The following ANO6 variants were observed in gnomAD, a reference collection of about 807,000 sequenced individuals.
ANO6 encodes anoctamin-6.
ANO6 carries 106 observed loss-of-function variants against 117.5 expected under a neutral mutation model. The observed-to-expected ratio is 0.90, with a 90% CI of 0.77 to 1.06. The LOEUF (loss-of-function observed/expected upper bound fraction) is 1.06, where lower values mean the gene tolerates loss of function less well. Among genes scored for constraint, ANO6 ranks in the 50% least tolerant of loss-of-function variants. The pLI is 0.00. For missense variants in ANO6, 955 were observed against 1,121.1 expected, an observed-to-expected ratio of 0.85 and a Z score of 2.12; for synonymous variants, 367 against 385.1, an observed-to-expected ratio of 0.95 and a Z score of 0.55.
At chr12:45,401,391 T>C (rs1660662800) in intron 12 of ANO6, among the ~76,000 whole-genome samples, 1 of 152,346 alleles carries the variant, frequency 6.6e-6, no homozygotes, top group East Asian at 1.9e-4. Flanking sequence ...ATGTTTTCTT[T>C]GGTTCTACAC....
At position 45,349,585 on chromosome 12, in the gene ANO6, T is replaced by C. The variant is rs528451348; in HGVS notation, c.747+954T>C. ...TCTGACTGTGTAAGACCAAAGAAAGTAAAGACTGAGATTGGTAATTGCTAC... is the reference window on the plus strand; with the variant it reads ...TCTGACTGTGTAAGACCAAAGAAAGCAAAGACTGAGATTGGTAATTGCTAC... On this transcript the variant is annotated intron_variant, in intron 6 of 19. Coordinates refer to ENST00000320560, the MANE Select transcript of ANO6 (RefSeq NM_001025356.3). Among the ~76,000 whole-genome samples, 4 of 149,928 alleles carry C rather than the reference T, an allele frequency of 2.7e-5. No individual in the cohort carries two copies. The East Asian group carries it at 7.7e-4, about 29-fold the overall frequency.
intron 1 of ANO6, among the ~76,000 whole-genome samples, chr12:45,266,208 T>C (rs1276518299): frequency 2.6e-5 from 4 of 152,220 alleles, no homozygotes; most frequent in East Asian, 1.9e-4. Flanking sequence ...TTAAAGACTA[T>C]AGGTTTATAG....
At chr12:45,237,003 T>G (rs1041653848) in intron 1 of ANO6, among the ~76,000 whole-genome samples, 5 of 152,304 alleles carry the variant, frequency 3.3e-5, no homozygotes, top group South Asian at 2.1e-4. Flanking sequence ...TTTTTCATGT[T>G]TCTGTTGGCT....
intron 1 of ANO6, among the ~76,000 whole-genome samples, chr12:45,237,933 C>T (rs968676270): frequency 1.3e-5 from 2 of 152,150 alleles, no homozygotes; most frequent in Non-Finnish European, 2.9e-5. Context: ...TTGAAGAGGT[C>T]CCTCACATCT....
chr12:45,352,792 C>G (rs1327506014), intron 7 of ANO6, among the ~76,000 whole-genome samples: 1 of 151,886 alleles, frequency 6.6e-6, no homozygotes, highest in Non-Finnish European at 1.5e-5. Flanking sequence ...CTTATTGTCC[C>G]CAAAAAAACT....
chr12:45,357,570 A>G, intron 8 of ANO6, 146 bp downstream of exon 8: 1 of 1,098,384 alleles, frequency 9.1e-7, no homozygotes, highest in Admixed American at 2.5e-5. Flanking sequence ...TTCTGAGCAC[A>G]ATAACTGAGT....
At chr12:45,261,429 A>G (rs1215096366) in intron 1 of ANO6, among the ~76,000 whole-genome samples, 1 of 152,218 alleles carries the variant, frequency 6.6e-6, no homozygotes, top group East Asian at 1.9e-4. Context: ...TGCTGTTAGC[A>G]CGCTCAGGGT....
intron 2 of ANO6, 139 bp from the exon 3 acceptor site, chr12:45,331,156 A>G (rs1490435147): frequency 2.8e-6 from 2 of 717,574 alleles, no homozygotes; most frequent in African/African-American, 1.8e-5. Flanking sequence ...CATAGTGGCC[A>G]TGACTGTTTG....
At chr12:45,276,760 G>C (rs893585291) in intron 1 of ANO6, among the ~76,000 whole-genome samples, 2 of 152,148 alleles carry the variant, frequency 1.3e-5, no homozygotes. Context: ...CACGTGCCTG[G>C]CATATAGTAG....
intron 3 of ANO6, among the ~76,000 whole-genome samples, chr12:45,334,133 C>T (rs1940756777): frequency 6.6e-6 from 1 of 152,020 alleles, no homozygotes; most frequent in Non-Finnish European, 1.5e-5. Flanking sequence ...AAGAAACATA[C>T]CTTCCTTTAA....
chr12:45,249,913 A>G (rs1947877443), intron 1 of ANO6, among the ~76,000 whole-genome samples: 1 of 152,198 alleles, frequency 6.6e-6, no homozygotes, highest in South Asian at 2.1e-4. Context: ...CCAAAAGACT[A>G]ATGTGCTTAA....
intron 2 of ANO6, among the ~76,000 whole-genome samples, chr12:45,321,463 GAAAA>G (rs905475117): frequency 6.6e-6 from 1 of 151,808 alleles, no homozygotes; most frequent in Admixed American, 6.6e-5. Context: ...TATATGATAT[GAAAA>G]AAAATCACAT....
chr12:45,262,013 C>G (rs968178393), intron 1 of ANO6, among the ~76,000 whole-genome samples: 22 of 152,160 alleles, frequency 1.4e-4, no homozygotes, highest in African/African-American at 5.3e-4. Flanking sequence ...TTTTGATCCA[C>G]GTTTAACCTG....
At chr12:45,348,932 G>A (rs1941213655) in intron 6 of ANO6, among the ~76,000 whole-genome samples, 1 of 152,114 alleles carries the variant, frequency 6.6e-6, no homozygotes, top group African/African-American at 2.4e-5. Flanking sequence ...AGACCAAAAT[G>A]CCTGCCCTGC....
At chr12:45,362,292 G>A (rs907738966) in intron 8 of ANO6, among the ~76,000 whole-genome samples, 2 of 151,964 alleles carry the variant, frequency 1.3e-5, no homozygotes, top group African/African-American at 2.4e-5. Flanking sequence ...ATTATGCATA[G>A]TATCCCCTTA....
At chr12:45,416,383 G>A (rs1435865546) in intron 16 of ANO6, among the ~76,000 whole-genome samples, 1 of 151,882 alleles carries the variant, frequency 6.6e-6, no homozygotes, top group Admixed American at 6.5e-5. Flanking sequence ...TCAACACTGA[G>A]AATGAATAAT....
intron 3 of ANO6, among the ~76,000 whole-genome samples, chr12:45,339,977 T>A (rs1940934953): frequency 6.6e-6 from 1 of 152,130 alleles, no homozygotes; most frequent in Non-Finnish European, 1.5e-5. Flanking sequence ...TACTTAGACA[T>A]TGCAGTCCCT....
intron 19 of ANO6, among the ~76,000 whole-genome samples, chr12:45,427,608 TC>T (rs1249999421): frequency 2.6e-5 from 4 of 151,952 alleles, no homozygotes; most frequent in Admixed American, 2.0e-4. Flanking sequence ...ATTATCTCTC[TC>T]CCCTTGCTAG....
At chr12:45,385,638 A>C (rs1221755128) in intron 10 of ANO6, among the ~76,000 whole-genome samples, 3 of 152,138 alleles carry the variant, frequency 2.0e-5, no homozygotes, top group Non-Finnish European at 4.4e-5. Flanking sequence ...GTCACATGTC[A>C]GTCCACAAAA....
Sources: allele counts gnomAD v4.1 joint callset (sites outside exome capture counted in the v4.1 genomes callset), GRCh38; gene constraint gnomAD v4.1.1; transcripts MANE v1.5; gene names NCBI Gene and HGNC (gene_info 2026-07-23, HGNC 2026-07-21).